HEMK2: variants seen among roughly 807,000 people sequenced by gnomAD.
HEMK2 encodes the protein HemK methyltransferase 2, ETF1 glutamine and histone H4 lysine, also known as methyltransferase HEMK2.
At chr21:28,623,637 T>C in the HEMK2 span, among the ~76,000 whole-genome samples, 24 of 152,124 alleles carry the variant, frequency 1.6e-4, no homozygotes, top group Non-Finnish European at 1.0e-4. Context: ...ATATACACCA[T>C]GGAATATTAT....
chr21:28,583,500 A>C, the HEMK2 span, among the ~76,000 whole-genome samples: 1 of 152,246 alleles, frequency 6.6e-6, no homozygotes, highest in Non-Finnish European at 1.5e-5. Context: ...AGGGGATCAC[A>C]GAAGAACATA....
chr21:28,669,557 G>C, the HEMK2 span, among the ~76,000 whole-genome samples: 1 of 152,122 alleles, frequency 6.6e-6, no homozygotes, highest in South Asian at 2.1e-4. Flanking sequence ...AGCTTAAACC[G>C]TGTTCCTGCT....
At chr21:28,805,178 G>C in the HEMK2 span, among the ~76,000 whole-genome samples, 1 of 152,168 alleles carries the variant, frequency 6.6e-6, no homozygotes, top group Non-Finnish European at 1.5e-5. Flanking sequence ...ATCTCAAGTA[G>C]GTTGGCTATA....
At chr21:28,877,482 AAG>A in the HEMK2 span, among the ~76,000 whole-genome samples, 6 of 151,464 alleles carry the variant, frequency 4.0e-5, no homozygotes, top group Admixed American at 2.6e-4. Context: ...AGAGAAGAGA[AAG>A]AGAAAGAAAA....
chr21:28,643,720 C>A, the HEMK2 span, among the ~76,000 whole-genome samples: 1 of 152,154 alleles, frequency 6.6e-6, no homozygotes, highest in African/African-American at 2.4e-5. Context: ...CCTTAGACTT[C>A]CCAGCCTCCA....
chr21:28,858,000 C>T, the HEMK2 span, among the ~76,000 whole-genome samples: 2 of 152,172 alleles, frequency 1.3e-5, no homozygotes, highest in African/African-American at 4.8e-5. Flanking sequence ...ACCCACTTAG[C>T]CTACAATCCT....
At chr21:28,876,279 T>A in the HEMK2 span, 200 of 734,700 alleles carry the variant, frequency 2.7e-4, no homozygotes, top group Non-Finnish European at 3.6e-4. Flanking sequence ...TACCTTTTTT[T>A]AATGACAAAT....
chr21:28,699,687 C>T, the HEMK2 span, among the ~76,000 whole-genome samples: 2 of 151,956 alleles, frequency 1.3e-5, no homozygotes, highest in Non-Finnish European at 1.5e-5. Context: ...GGGTGGAGTG[C>T]CAAGGGCAGG....
At chr21:28,764,325 G>C in the HEMK2 span, among the ~76,000 whole-genome samples, 1 of 152,074 alleles carries the variant, frequency 6.6e-6, no homozygotes, top group African/African-American at 2.4e-5. Context: ...AGTGGTTAGA[G>C]TGAGTTTAAA....
At chr21:28,637,670 G>A in the HEMK2 span, among the ~76,000 whole-genome samples, 1 of 152,168 alleles carries the variant, frequency 6.6e-6, no homozygotes, top group African/African-American at 2.4e-5. Flanking sequence ...CTATGCGGGG[G>A]TAGGAGTTTA....
the HEMK2 span, among the ~76,000 whole-genome samples, chr21:28,637,413 G>A: frequency 6.6e-6 from 1 of 151,004 alleles, no homozygotes; most frequent in African/African-American, 2.4e-5. Flanking sequence ...TTTTTTCATT[G>A]ATATAACAGT....
chr21:28,767,174 A>T, the HEMK2 span, among the ~76,000 whole-genome samples: 1 of 152,038 alleles, frequency 6.6e-6, no homozygotes, highest in East Asian at 1.9e-4. Context: ...CATCCATGTA[A>T]GATGTGACTT....
chr21:28,643,506 C>A, the HEMK2 span, among the ~76,000 whole-genome samples: 1 of 152,074 alleles, frequency 6.6e-6, no homozygotes, highest in Non-Finnish European at 1.5e-5. Flanking sequence ...AGAAAGACCC[C>A]TTCTCTAGAG....
chr21:28,746,630 T>C, the HEMK2 span, among the ~76,000 whole-genome samples: 306 of 151,342 alleles, frequency 2.0e-3, 1 homozygote, highest in South Asian at 9.4e-3. Flanking sequence ...CTATCATACA[T>C]TGAGTGGTCC....
At chr21:28,707,694 A>T in the HEMK2 span, among the ~76,000 whole-genome samples, 5 of 152,208 alleles carry the variant, frequency 3.3e-5, no homozygotes, top group East Asian at 9.6e-4. Context: ...ATATATATAT[A>T]TAAACACACA....
At chr21:28,818,257 G>A in the HEMK2 span, among the ~76,000 whole-genome samples, 3 of 152,096 alleles carry the variant, frequency 2.0e-5, no homozygotes, top group South Asian at 2.1e-4. Flanking sequence ...CCTCAAACAT[G>A]GAACTCCAAG....
At chr21:28,831,909 T>C in the HEMK2 span, among the ~76,000 whole-genome samples, 11 of 152,214 alleles carry the variant, frequency 7.2e-5, no homozygotes, top group Admixed American at 2.6e-4. Flanking sequence ...AAAACACTGT[T>C]TAATTCAGAT....
chr21:28,882,897 A>C, the HEMK2 span: 1 of 914,238 alleles, frequency 1.1e-6, no homozygotes, highest in Non-Finnish European at 1.6e-6. Context: ...ATACTATAAG[A>C]TACATACTGT....
the HEMK2 span, among the ~76,000 whole-genome samples, chr21:28,581,091 T>C: frequency 6.6e-6 from 1 of 152,126 alleles, no homozygotes; most frequent in Admixed American, 6.5e-5. Context: ...ATACCAAAAA[T>C]GAAGGCCCTT....
Sources: allele counts gnomAD v4.1 joint callset (sites outside exome capture counted in the v4.1 genomes callset), GRCh38; gene constraint gnomAD v4.1.1; transcripts MANE v1.5; gene names NCBI Gene and HGNC (gene_info 2026-07-23, HGNC 2026-07-21).